The following MAGI2 variants were observed in gnomAD, a reference collection of about 807,000 sequenced individuals.
The protein encoded by MAGI2 is membrane associated guanylate kinase, WW and PDZ domain containing 2, also known as membrane-associated guanylate kinase, WW and PDZ domain-containing protein 2.
Under a neutral mutation model 133.3 loss-of-function variants are expected in MAGI2, and 35 were observed. The observed-to-expected ratio is 0.26, with a 90% CI of 0.20 to 0.35. The LOEUF (loss-of-function observed/expected upper bound fraction) is 0.35, where lower values mean the gene tolerates loss of function less well. Ranked by LOEUF, MAGI2 falls within the 10% of genes least tolerant of loss-of-function variation. The pLI is 1.00. For synonymous variants in MAGI2, 729 were observed against 710.6 expected (o/e 1.03, Z -0.41); for missense variants, 1,636 against 1,863.4 (o/e 0.88, Z 2.25).
At chr7:78,547,254 A>G (rs1218731246) in intron 3 of MAGI2, among the ~76,000 whole-genome samples, 1 of 152,268 alleles carries the variant, frequency 6.6e-6, no homozygotes, top group Non-Finnish European at 1.5e-5. Flanking sequence ...ATTAATTAAA[A>G]TAAGTAAGAT....
At chr7:78,278,890 A>G (rs1584688006) in intron 9 of MAGI2, among the ~76,000 whole-genome samples, 1 of 152,256 alleles carries the variant, frequency 6.6e-6, no homozygotes, top group Non-Finnish European at 1.5e-5. Flanking sequence ...CACTAGCTAT[A>G]CAGAGACCAA....
intron 6 of MAGI2, among the ~76,000 whole-genome samples, chr7:78,474,960 AC>A (rs1275054531): frequency 5.3e-5 from 8 of 151,982 alleles, no homozygotes; most frequent in African/African-American, 1.7e-4. Flanking sequence ...ATAAAAAAAA[AC>A]CCTGGAAGTC....
At chr7:79,203,453 G>T (rs957349940) in intron 1 of MAGI2, among the ~76,000 whole-genome samples, 3 of 151,922 alleles carry the variant, frequency 2.0e-5, no homozygotes, top group Non-Finnish European at 2.9e-5. Flanking sequence ...CTAGTGTTCA[G>T]AAATGCCAAC....
At chr7:78,287,077 C>A (rs1011231340) in intron 9 of MAGI2, among the ~76,000 whole-genome samples, 1 of 152,094 alleles carries the variant, frequency 6.6e-6, no homozygotes, top group African/African-American at 2.4e-5. Flanking sequence ...GAGGGAATTA[C>A]TCCCACTATG....
rs556825999 is a variant in MAGI2, at chr7:79,094,564, C to T, written c.302-87358G>A. ...GGTTTTCAATTTACTTTGCCCAGGT[C>T]CATTAATGGAAACAGTGTCTATGGA... On this transcript the variant is annotated intron_variant, in intron 1 of 21. Coordinates refer to ENST00000354212, the MANE Select transcript of MAGI2 (RefSeq NM_012301.4). Among the ~76,000 whole-genome samples the T allele has an allele frequency of 9.2e-5, 14 of 152,244 alleles. No individual in the cohort carries two copies. In the South Asian group the frequency reaches 1.9e-3, roughly 20 times the overall value.
chr7:78,434,811 G>A (rs947070795), intron 6 of MAGI2, among the ~76,000 whole-genome samples: 5 of 152,056 alleles, frequency 3.3e-5, no homozygotes, highest in African/African-American at 1.2e-4. Flanking sequence ...GAAAAATAAA[G>A]GTAAGGAAAA....
At chr7:78,395,702 T>C (rs1305495176) in intron 6 of MAGI2, among the ~76,000 whole-genome samples, 1 of 152,234 alleles carries the variant, frequency 6.6e-6, no homozygotes, top group African/African-American at 2.4e-5. Context: ...AAACCGGTGC[T>C]ACTCTTTTTT....
rs796571972 is a variant in MAGI2, at chr7:78,065,013, A to AT, written c.3706+13933dup. ...AAATAGTCACAATTGGGCCCTTAAA[A>AT]TTTTTTTTTTCTTTAAACTTGGTGC... On this transcript the variant is annotated intron_variant, in intron 21 of 21. Coordinates refer to ENST00000354212, the MANE Select transcript of MAGI2 (RefSeq NM_012301.4). 2.3e-4 allele frequency among the ~76,000 whole-genome samples: 35 copies of AT among 150,942 alleles called. No homozygotes were observed. In the South Asian group the frequency reaches 5.5e-3, roughly 24 times the overall value.
intron 2 of MAGI2, among the ~76,000 whole-genome samples, chr7:78,806,889 A>G (rs868211122): frequency 2.0e-5 from 3 of 150,094 alleles, no homozygotes; most frequent in Admixed American, 2.0e-4. Context: ...AAATAAAATA[A>G]AATAAAATAA....
At chr7:79,125,061 C>T (rs143975904) in intron 1 of MAGI2, 312 of 217,456 alleles carry the variant, frequency 1.4e-3, no homozygotes, top group African/African-American at 6.6e-3. Flanking sequence ...TATTTGTAGG[C>T]GCCATTAAAG....
intron 1 of MAGI2, chr7:79,415,560 A>G (rs1846442800): frequency 6.6e-6 from 1 of 152,160 alleles, no homozygotes; most frequent in Admixed American, 6.6e-5. Flanking sequence ...ACAAGGGCTG[A>G]GAGGAAACTG....
intron 1 of MAGI2, among the ~76,000 whole-genome samples, chr7:79,183,724 C>A (rs1023826970): frequency 6.6e-5 from 10 of 151,708 alleles, no homozygotes; most frequent in African/African-American, 1.9e-4. Context: ...TTCCAAGAGA[C>A]GGAATCAACT....
At chr7:78,393,030 T>C (rs1796038459) in intron 6 of MAGI2, among the ~76,000 whole-genome samples, 1 of 152,092 alleles carries the variant, frequency 6.6e-6, no homozygotes, top group Non-Finnish European at 1.5e-5. Flanking sequence ...TGGAATATAA[T>C]AGTAAAAAAA....
chr7:78,815,528 G>A (rs1789493191), intron 2 of MAGI2, among the ~76,000 whole-genome samples: 1 of 151,800 alleles, frequency 6.6e-6, no homozygotes, highest in Admixed American at 6.6e-5. Context: ...TACCCAAATT[G>A]AAGGTTTGTG....
intron 21 of MAGI2, among the ~76,000 whole-genome samples, chr7:78,052,433 A>T (rs1812111006): frequency 6.6e-6 from 1 of 152,188 alleles, no homozygotes; most frequent in African/African-American, 2.4e-5. Flanking sequence ...AGCCGCCTGA[A>T]GCCCTCACCA....
At chr7:79,272,144 T>A (rs150614358) in intron 1 of MAGI2, among the ~76,000 whole-genome samples, 9 of 152,274 alleles carry the variant, frequency 5.9e-5, no homozygotes, top group African/African-American at 2.2e-4. Context: ...TATTAAAACT[T>A]AAGTATAATT....
intron 1 of MAGI2, among the ~76,000 whole-genome samples, chr7:79,136,250 G>A (rs1055626291): frequency 1.3e-5 from 2 of 152,146 alleles, no homozygotes; most frequent in Non-Finnish European, 2.9e-5. Flanking sequence ...CCAACACTAT[G>A]TACAAGGTAA....
chr7:78,596,202 A>T lies in MAGI2; in HGVS notation c.538+30918T>A, dbSNP rs1256484890. ...AGGAAGGGAGGGAGGGAGGGAGGGA[A>T]GGAATGAAGGAAGGGAGGGAGGGAG... is the stretch of plus-strand genomic sequence containing the variant. On this transcript the variant is annotated intron_variant, in intron 3 of 21. Transcript: ENST00000354212. 4.7e-5 allele frequency among the ~76,000 whole-genome samples: 5 copies of T among 105,862 alleles called. No homozygotes were observed. The Admixed American group carries it at 5.3e-4, about 11-fold the overall frequency. The allele number at this position is 105,862 out of a possible 152,430, so 69.4% of individuals were successfully genotyped here.
chr7:78,573,309 T>A (rs1392640004), intron 3 of MAGI2, among the ~76,000 whole-genome samples: 1 of 48,852 alleles, frequency 2.0e-5, no homozygotes, highest in African/African-American at 8.1e-5. Context: ...TATTTATATA[T>A]ATAAATATAT....
Sources: allele counts gnomAD v4.1 joint callset (sites outside exome capture counted in the v4.1 genomes callset), GRCh38; gene constraint gnomAD v4.1.1; transcripts MANE v1.5; gene names NCBI Gene and HGNC (gene_info 2026-07-23, HGNC 2026-07-21).